Variants in LAMC2 observed in about 807,000 individuals in gnomAD.
LAMC2 encodes the protein laminin subunit gamma 2.
LAMC2 carries 97 observed loss-of-function variants against 140.2 expected under a neutral mutation model. The ratio of observed to expected loss-of-function variants is 0.69; its 90% CI spans 0.59 to 0.82. The LOEUF (loss-of-function observed/expected upper bound fraction) is 0.82, where lower values mean the gene tolerates loss of function less well. LAMC2 is among the 40% of genes least tolerant of loss of function. The pLI, the probability that LAMC2 is intolerant of heterozygous loss-of-function variation, is 0.00. For synonymous variants in LAMC2, 513 were observed against 540.2 expected, an observed-to-expected ratio of 0.95 and a Z score of 0.70; for missense variants, 1,402 against 1,476.1, an observed-to-expected ratio of 0.95 and a Z score of 0.82.
At position 183,208,319 on chromosome 1, in the gene LAMC2, T is replaced by C. The variant is rs635796; in HGVS notation, c.268+250T>C. 0.62 allele frequency among the ~76,000 whole-genome samples: 94,973 copies of C among 152,028 alleles called. 30,439 individuals carry two copies. The highest frequency in any genetic ancestry group is 0.76 in the East Asian group (3,905 of 5,166). ...CTTAAGTAGGGGTTGGTGGAACCAG[T>C]TGGGACCTTGAGGGCATGTTGTCTT... On this transcript the variant is annotated intron_variant, in intron 2 of 22. Transcript: ENST00000264144.
At chr1:183,254,581 G>A in the LAMC2 span, among the ~76,000 whole-genome samples, 1 of 152,012 alleles carries the variant, frequency 6.6e-6, no homozygotes, top group Non-Finnish European at 1.5e-5. Flanking sequence ...AAGACTTCAG[G>A]CACATGCTAC....
At chr1:183,240,892 T>A in intron 22 of LAMC2, 1 of 172,448 alleles carries the variant, frequency 5.8e-6, no homozygotes, top group Non-Finnish European at 1.2e-5. Context: ...GAGCCTGCTC[T>A]AAGGCAGTAG....
Position 183,239,441 on chromosome 1 carries a change from G to A in LAMC2, c.2947G>A (p.Val983Ile). 6.2e-7 allele frequency: 1 copy of A among 1,614,206 alleles called. No homozygotes were observed. Among genetic ancestry groups the A allele is most frequent in the Non-Finnish European group, 8.5e-7 (1 of 1,180,024 alleles). The change falls in exon 20 of 23, where the codon GTT becomes ATT. Residue 983 changes from valine to isoleucine, a missense_variant. By Grantham distance (29) the Val-to-Ile change is conservative. Around this residue, in one of 3 missense-constraint regions of LAMC2, gnomAD observed 670 missense variants for 667.2 expected, o/e 1.00. Coordinates refer to ENST00000264144, the MANE Select transcript of LAMC2 (RefSeq NM_005562.3). ...MKRLSYISQK[V>I]SDASDKTQQA... ...GAGACTCTCCTACATCAGCCAGAAGGTTTCAGATGCCAGTGACAAGACCCA... is the reference window on the plus strand; with the variant it reads ...GAGACTCTCCTACATCAGCCAGAAGATTTCAGATGCCAGTGACAAGACCCA...
intron 20 of LAMC2, 89 bp from the exon 21 acceptor site, chr1:183,239,951 C>G: frequency 7.1e-7 from 1 of 1,416,106 alleles, no homozygotes; most frequent in Non-Finnish European, 1.0e-6. Flanking sequence ...GCCCGGCTGC[C>G]GCTGTATTTT....
At chr1:183,241,760 G>C (rs1296317672) in intron 22 of LAMC2, among the ~76,000 whole-genome samples, 1 of 151,226 alleles carries the variant, frequency 6.6e-6, no homozygotes, top group Non-Finnish European at 1.5e-5. Context: ...AGAGTAAAAT[G>C]CCCTCAAAGG....
At chr1:183,206,260 G>A (rs1183404687) in intron 1 of LAMC2, among the ~76,000 whole-genome samples, 1 of 152,188 alleles carries the variant, frequency 6.6e-6, no homozygotes, top group African/African-American at 2.4e-5. Flanking sequence ...ATAAGTGTTA[G>A]CTGACTTTTC....
chr1:183,231,004 A>G lies in LAMC2; in HGVS notation c.1758A>G (p.Arg586=). 6.2e-7 allele frequency: 1 copy of G among 1,614,142 alleles called. No individual in the cohort carries two copies. The highest frequency in any genetic ancestry group is 8.5e-7 in the Non-Finnish European group (1 of 1,180,014). The change falls in exon 12 of 23, where the codon CGA becomes CGG. Residue 586 remains arginine, a synonymous_variant. Transcript: ENST00000264144. ...TGGGCTCAGAGCCTGTAGGATGTCG[A>G]AGTGATGGCACCTGTGTTTGCAAGC... ...NPMGSEPVGC[R]SDGTCVCKPG... is the part of the protein sequence containing the mutation.
intron 14 of LAMC2, among the ~76,000 whole-genome samples, chr1:183,233,839 A>C (rs1230155470): frequency 6.7e-6 from 1 of 149,282 alleles, no homozygotes; most frequent in Non-Finnish European, 1.5e-5. Context: ...CTATATACAG[A>C]CTTTTTTGAA....
In LAMC2 at chr1:183,240,580, G is replaced by A. The variant is rs184538579; in HGVS notation, c.3328+189G>A. The A allele has an allele frequency of 1.2e-4, 168 of 1,438,250 alleles. 1 individual carries two copies. In the East Asian group the frequency reaches 1.2e-3, roughly 10 times the overall value. The allele number at this position is 1,438,250 out of a possible 1,614,324, so 89.1% of individuals were successfully genotyped here. A position where few individuals can be genotyped will look rare whatever the true frequency, so the allele number is the denominator to read the frequency against. The stretch of plus-strand genomic sequence containing the variant: ...TACATTTACTGGACCCTGTTTTACC[G>A]TTGCTAAGATGGGTCACTGAACACC... On this transcript the variant is annotated intron_variant, in intron 22 of 22. Transcript: ENST00000264144.
At chr1:183,216,345 C>T (rs905272351) in intron 3 of LAMC2, among the ~76,000 whole-genome samples, 1 of 152,140 alleles carries the variant, frequency 6.6e-6, no homozygotes, top group African/African-American at 2.4e-5. Flanking sequence ...ATCACCCCTG[C>T]CCCACTCCTC....
rs1199603167 is a variant in LAMC2, at chr1:183,220,933, C to T, written c.612C>T (p.Val204=). The T allele has an allele frequency of 1.2e-6, 2 of 1,614,154 alleles. No homozygotes were observed. Among genetic ancestry groups the T allele is most frequent in the Non-Finnish European group, 1.7e-6 (2 of 1,180,006 alleles). ...ASCRSSAEYS[V]HKITSTFHQD... ...GCCGCAGCTCTGCAGAATACAGTGT[C>T]CATAAGATCACCTCTACCTTTCATC... Residue 204 remains valine (V), a synonymous_variant, in exon 5 of 23, where the codon GTC becomes GTT. Coordinates refer to ENST00000264144, the MANE Select transcript of LAMC2 (RefSeq NM_005562.3).
downstream of LAMC2, chr1:183,249,682 CGTGTGTGTGT>C (rs3841433): frequency 0.034 from 4,071 of 119,590 alleles, 127 homozygotes; most frequent in East Asian, 0.096. Flanking sequence ...AAGAGTAGGG[CGTGTGTGTGT>C]GTGTGTGTGT....
chr1:183,218,846 G>A (rs1368399672), intron 4 of LAMC2, among the ~76,000 whole-genome samples: 1 of 152,216 alleles, frequency 6.6e-6, no homozygotes, highest in Non-Finnish European at 1.5e-5. Context: ...GCTGGTTGCA[G>A]GAAAGGCCTG....
intron 2 of LAMC2, among the ~76,000 whole-genome samples, chr1:183,213,748 C>CAAAA (rs529019896): frequency 0.01 from 695 of 68,048 alleles, 37 homozygotes; most frequent in African/African-American, 0.039. Flanking sequence ...TGCAGTGAGC[C>CAAAA]AAAAAAAAAA....
chr1:183,253,925 GTGTGTGTGTGTGTGTGTGTA>G, the LAMC2 span, among the ~76,000 whole-genome samples: 1 of 151,828 alleles, frequency 6.6e-6, no homozygotes, highest in Non-Finnish European at 1.5e-5. Context: ...GTGTGTGTGT[GTGTGTGTGTGTGTGTGTGTA>G]TGTGTGTGTG....
rs12724351 is a variant in LAMC2, at chr1:183,221,019, T to C, written c.640+58T>C. The C allele has an allele frequency of 1.9e-3, 2,789 of 1,496,008 alleles. 12 individuals are homozygous for C. Among genetic ancestry groups the C allele is most frequent in the Non-Finnish European group, 2.0e-3 (2,198 of 1,073,376 alleles). 92.7% of individuals were successfully genotyped at this position (1,496,008 alleles called of 1,614,324 possible). On this transcript the variant is annotated intron_variant, in intron 5 of 22. Transcript: ENST00000264144. ...TTAATGTTGTACAGGGCTTTGTGTT[T>C]AGAGACAACCACCTCCGCATTCACA...
Position 183,231,024 on chromosome 1 carries a change from G to T in LAMC2, c.1778G>T (p.Cys593Phe). 6.2e-7 allele frequency: 1 copy of T among 1,614,152 alleles called. No individual in the cohort carries two copies. The highest frequency in any genetic ancestry group is 8.5e-7 in the Non-Finnish European group (1 of 1,180,026). Residue 593 changes from cysteine (C) to phenylalanine (F), a missense_variant, in exon 12 of 23, where the codon TGC becomes TTC. Around this residue, in one of 3 missense-constraint regions of LAMC2, gnomAD observed 723 missense variants for 783.3 expected, o/e 0.92. Coordinates refer to ENST00000264144, the MANE Select transcript of LAMC2 (RefSeq NM_005562.3). ...VGCRSDGTCV[C>F]KPGFGGPNCE... is the part of the protein sequence containing the mutation. ...TGTCGAAGTGATGGCACCTGTGTTT[G>T]CAAGCCAGGATTTGGTGGCCCCAAC...
At chr1:183,206,534 A>G (rs977448733) in intron 1 of LAMC2, among the ~76,000 whole-genome samples, 1 of 151,944 alleles carries the variant, frequency 6.6e-6, no homozygotes, top group African/African-American at 2.4e-5. Flanking sequence ...AATCCCAGCT[A>G]CTTGGGAGGC....
chr1:183,219,074 C>T (rs937866311), intron 4 of LAMC2, among the ~76,000 whole-genome samples: 10 of 152,284 alleles, frequency 6.6e-5, no homozygotes, highest in African/African-American at 2.2e-4. Flanking sequence ...CCCAAGCTGC[C>T]GGTGCAGGAC....
Sources: gnomAD v4.1 joint callset for allele counts (sites outside exome capture counted in the v4.1 genomes callset) on GRCh38, gnomAD v4.1.1 for gene constraint, gnomAD v4.1.1 regional missense constraint, MANE v1.5 for transcripts, NCBI Gene and HGNC (gene_info 2026-07-23, HGNC 2026-07-21) for gene names.